The following CFAP299 variants were observed in gnomAD, a reference collection of about 807,000 sequenced individuals.
CFAP299 encodes cilia and flagella associated protein 299.
In CFAP299, 21 loss-of-function variants were observed where a neutral mutation model predicts 27.0. The ratio of observed to expected loss-of-function variants is 0.78; its 90% CI spans 0.55 to 1.12. The LOEUF (loss-of-function observed/expected upper bound fraction) is 1.12, where lower values mean the gene tolerates loss of function less well. Ranked by LOEUF, CFAP299 falls within the 50% of genes most tolerant of loss-of-function variation. The pLI is 0.00. For missense variants in CFAP299, 310 were observed against 276.6 expected (o/e 1.12, Z -0.86); for synonymous variants, 104 against 98.1 (o/e 1.06, Z -0.36).
At chr4:80,372,299 A>G (rs538387953) in intron 2 of CFAP299, among the ~76,000 whole-genome samples, 77 of 152,292 alleles carry the variant, frequency 5.1e-4, no homozygotes, top group Non-Finnish European at 8.2e-4. Flanking sequence ...ATCACCTCCC[A>G]ACAGGCCTCA....
At chr4:80,399,973 A>C (rs1726051229) in intron 2 of CFAP299, among the ~76,000 whole-genome samples, 5 of 152,212 alleles carry the variant, frequency 3.3e-5, no homozygotes, top group South Asian at 4.1e-4. Context: ...CATCCTTGAA[A>C]GTAATTAACA....
chr4:80,625,110 G>A (rs919243108), intron 3 of CFAP299, among the ~76,000 whole-genome samples: 4 of 152,114 alleles, frequency 2.6e-5, no homozygotes, highest in African/African-American at 9.7e-5. Context: ...TACTGAAATG[G>A]TGGTGTGTAA....
At chr4:80,453,068 T>A (rs57025153) in intron 2 of CFAP299, among the ~76,000 whole-genome samples, 29,580 of 152,028 alleles carry the variant, frequency 0.19, 3,019 homozygotes, top group South Asian at 0.29. Flanking sequence ...ACTTGGAGAG[T>A]CAACCAAAAC....
intron 3 of CFAP299, among the ~76,000 whole-genome samples, chr4:80,853,869 G>A (rs774062199): frequency 6.6e-6 from 1 of 152,162 alleles, no homozygotes. Context: ...AAAAGAAGTT[G>A]TGTGATGGAC....
intron 2 of CFAP299, among the ~76,000 whole-genome samples, chr4:80,378,692 T>G (rs1285649932): frequency 6.6e-6 from 1 of 152,146 alleles, no homozygotes; most frequent in Non-Finnish European, 1.5e-5. Context: ...GGTTCTTTAC[T>G]TTTAGTTTGT....
chr4:80,546,704 C>A (rs1365130201), intron 2 of CFAP299, among the ~76,000 whole-genome samples: 1 of 152,140 alleles, frequency 6.6e-6, no homozygotes, highest in African/African-American at 2.4e-5. Context: ...CACTCCTACT[C>A]TCTCTTGCTC....
chr4:80,752,303 T>C (rs1385896948), intron 3 of CFAP299, among the ~76,000 whole-genome samples: 1 of 151,728 alleles, frequency 6.6e-6, no homozygotes, highest in African/African-American at 2.4e-5. Flanking sequence ...TTTTCATTCC[T>C]CTTCCTGAGT....
At chr4:80,342,014 CA>C (rs1722482283) in intron 1 of CFAP299, among the ~76,000 whole-genome samples, 1 of 152,086 alleles carries the variant, frequency 6.6e-6, no homozygotes, top group Non-Finnish European at 1.5e-5. Flanking sequence ...AAGAAATTCA[CA>C]ATGTAATCAC....
chr4:80,595,409 C>T (rs1252892798), intron 3 of CFAP299, among the ~76,000 whole-genome samples: 1 of 152,194 alleles, frequency 6.6e-6, no homozygotes, highest in East Asian at 1.9e-4. Context: ...CCTGCAATTA[C>T]CATTCTTCCT....
intron 3 of CFAP299, among the ~76,000 whole-genome samples, chr4:80,660,615 G>T (rs1027576205): frequency 6.6e-6 from 1 of 152,126 alleles, no homozygotes; most frequent in Non-Finnish European, 1.5e-5. Context: ...AGTTATAAGG[G>T]TGGCGATGGA....
intron 2 of CFAP299, among the ~76,000 whole-genome samples, chr4:80,451,250 A>G (rs966496827): frequency 2.0e-5 from 3 of 152,156 alleles, no homozygotes; most frequent in African/African-American, 7.2e-5. Flanking sequence ...GCAAGCACAT[A>G]GCTGATATCT....
chr4:80,834,035 A>T (rs1024717136), intron 3 of CFAP299, among the ~76,000 whole-genome samples: 1 of 152,210 alleles, frequency 6.6e-6, no homozygotes, highest in Non-Finnish European at 1.5e-5. Flanking sequence ...ATCATTTCAG[A>T]TGGAAAATAC....
intron 4 of CFAP299, among the ~76,000 whole-genome samples, chr4:80,932,708 G>A (rs1286719926): frequency 6.6e-6 from 1 of 152,020 alleles, no homozygotes; most frequent in African/African-American, 2.4e-5. Context: ...CAAAACTTTG[G>A]AAGCATTTTA....
intron 3 of CFAP299, among the ~76,000 whole-genome samples, chr4:80,712,214 C>T (rs377386077): frequency 3.3e-5 from 5 of 152,260 alleles, no homozygotes; most frequent in African/African-American, 9.6e-5. Flanking sequence ...TGTCCAACAG[C>T]CATACTCTCC....
intron 3 of CFAP299, among the ~76,000 whole-genome samples, chr4:80,827,080 T>C (rs1348790922): frequency 6.6e-6 from 1 of 151,800 alleles, no homozygotes; most frequent in Middle Eastern, 3.2e-3. Flanking sequence ...AACAGAGATC[T>C]CAAATTAACA....
At chr4:80,431,679 T>C (rs1652005628) in intron 2 of CFAP299, among the ~76,000 whole-genome samples, 1 of 152,200 alleles carries the variant, frequency 6.6e-6, no homozygotes, top group Non-Finnish European at 1.5e-5. Flanking sequence ...CTGTGTCTAG[T>C]CTTCCTGAGG....
At chr4:80,679,816 C>T (rs1168086119) in intron 3 of CFAP299, among the ~76,000 whole-genome samples, 7 of 148,730 alleles carry the variant, frequency 4.7e-5, no homozygotes, top group Admixed American at 4.0e-4. Context: ...TGTTGAGTTT[C>T]GAGAGTTTTC....
At chr4:80,650,847 T>TA (rs1191925464) in intron 3 of CFAP299, among the ~76,000 whole-genome samples, 4 of 151,952 alleles carry the variant, frequency 2.6e-5, no homozygotes, top group African/African-American at 4.8e-5. Context: ...CACAATGGAC[T>TA]TTGGGACTCA....
intron 4 of CFAP299, among the ~76,000 whole-genome samples, chr4:80,879,681 T>C (rs180945746): frequency 6.6e-6 from 1 of 152,306 alleles, no homozygotes; most frequent in East Asian, 1.9e-4. Context: ...GTGAAGCAGA[T>C]AAGCCCTCAA....
Sources: allele counts gnomAD v4.1 joint callset (sites outside exome capture counted in the v4.1 genomes callset), GRCh38; gene constraint gnomAD v4.1.1; transcripts MANE v1.5; gene names NCBI Gene and HGNC (gene_info 2026-07-23, HGNC 2026-07-21).